LONP2: variants seen among roughly 807,000 people sequenced by gnomAD.
LONP2 encodes the protein lon protease homolog 2, peroxisomal.
Under a neutral mutation model 85.6 loss-of-function variants are expected in LONP2, and 60 were observed. The ratio of observed to expected loss-of-function variants is 0.70; its 90% CI spans 0.57 to 0.87. The LOEUF is 0.87. LONP2 is among the 40% of genes least tolerant of loss of function. The pLI is 0.00. For missense variants in LONP2, 860 were observed against 1,063.5 expected, an observed-to-expected ratio of 0.81 and a Z score of 2.66; for synonymous variants, 395 against 389.7, an observed-to-expected ratio of 1.01 and a Z score of -0.16.
At chr16:48,288,142 G>GTCT (rs1175864782) in intron 8 of LONP2, among the ~76,000 whole-genome samples, 20 of 147,672 alleles carry the variant, frequency 1.4e-4, no homozygotes, top group African/African-American at 4.2e-4. Context: ...GAATGTATTA[G>GTCT]TCTTCTTCTT....
downstream of LONP2, among the ~76,000 whole-genome samples, chr16:48,359,716 C>CA (rs958414218): frequency 6.6e-4 from 88 of 133,860 alleles, no homozygotes; most frequent in South Asian, 1.2e-3. Context: ...AACTCCGTCT[C>CA]AAAAAAAAAA....
At chr16:48,263,528 G>T (rs1048343851) in intron 6 of LONP2, among the ~76,000 whole-genome samples, 2 of 152,166 alleles carry the variant, frequency 1.3e-5, no homozygotes, top group Non-Finnish European at 2.9e-5. Context: ...GTCACAGATG[G>T]CAAGATTTCC....
Position 48,352,918 on chromosome 16 carries a change from T to G in LONP2, c.*1116T>G, listed in dbSNP as rs922720497. The G allele has an allele frequency of 6.6e-6, 1 of 152,270 alleles. No individual in the cohort carries two copies. Among genetic ancestry groups the G allele is most frequent in the African/African-American group, 2.4e-5 (1 of 41,476 alleles). The allele number at this position is 152,270 out of a possible 1,614,324, so 9.4% of individuals were successfully genotyped here. A position where few individuals can be genotyped will look rare whatever the true frequency, so the allele number is the denominator to read the frequency against. On this transcript the variant is annotated 3_prime_UTR_variant, in exon 15 of 15. Transcript: ENST00000285737. The stretch of plus-strand genomic sequence containing the variant: ...GCTTGGCTACGCCAGTTCCCAAATC[T>G]GGTAGATGTCCATGCCCATGTGCTC...
intron 11 of LONP2, among the ~76,000 whole-genome samples, chr16:48,321,497 G>A (rs1204612898): frequency 6.6e-6 from 1 of 152,172 alleles, no homozygotes; most frequent in Non-Finnish European, 1.5e-5. Flanking sequence ...TTACTGAATA[G>A]TCATATGCGT....
intron 1 of LONP2, among the ~76,000 whole-genome samples, chr16:48,250,157 G>A (rs992826121): frequency 2.0e-5 from 3 of 151,120 alleles, no homozygotes; most frequent in Non-Finnish European, 2.9e-5. Flanking sequence ...GCCATTGTAC[G>A]TCAGGCTGGG....
chr16:48,360,662 A>G (rs1960547190), downstream of LONP2: 1 of 152,660 alleles, frequency 6.6e-6, no homozygotes. Context: ...CTTCTTCTGC[A>G]AAACCAATAA....
chr16:48,283,336 C>T (rs745975011), intron 8 of LONP2, among the ~76,000 whole-genome samples: 33 of 152,276 alleles, frequency 2.2e-4, no homozygotes, highest in Non-Finnish European at 3.8e-4. Context: ...ATGAAACAGC[C>T]TTATTTTGTA....
chr16:48,350,959 G>A (rs1408529831), intron 14 of LONP2, among the ~76,000 whole-genome samples: 1 of 152,140 alleles, frequency 6.6e-6, no homozygotes, highest in African/African-American at 2.4e-5. Context: ...AGAGATTCAG[G>A]CAGCAGCTCT....
chr16:48,254,610 G>A (rs113499328), intron 2 of LONP2, among the ~76,000 whole-genome samples: 1,855 of 152,040 alleles, frequency 0.012, 38 homozygotes, highest in African/African-American at 0.042. Context: ...TGATCCAACC[G>A]CCACCACGCC....
rs1453120548 is a variant in LONP2 at position 48,261,553 on chromosome 16, C to G, written c.853C>G (p.Gln285Glu). Residue 285 changes from glutamine (Q) to glutamate (E), a missense_variant, in exon 5 of 15, where the codon CAG becomes GAG. By Grantham distance (29) the Gln-to-Glu change is conservative. Coordinates refer to ENST00000285737, the MANE Select transcript of LONP2 (RefSeq NM_031490.5). Reference sequence around the variant, plus strand: ...AATACGAACATCTAGTATGCCAGAGCAGGCCCATAAAGTCTGTGTCAAAGA... The same window carrying G: ...AATACGAACATCTAGTATGCCAGAGGAGGCCCATAAAGTCTGTGTCAAAGA... ...KKIRTSSMPE[Q>E]AHKVCVKEIK... 1.3e-6 allele frequency: 2 copies of G among 1,597,256 alleles called. No homozygotes were observed. Among genetic ancestry groups the G allele is most frequent in the African/African-American group, 2.8e-5 (2 of 71,856 alleles).
chr16:48,266,257 G>A (rs1209343364), intron 6 of LONP2, among the ~76,000 whole-genome samples: 1 of 151,714 alleles, frequency 6.6e-6, no homozygotes, highest in Non-Finnish European at 1.5e-5. Context: ...CACCTGCCTC[G>A]GCCTCCCAAA....
At chr16:48,337,273 T>G (rs1284098507) in intron 12 of LONP2, among the ~76,000 whole-genome samples, 2 of 152,204 alleles carry the variant, frequency 1.3e-5, no homozygotes, top group African/African-American at 4.8e-5. Flanking sequence ...CAGTGATGTA[T>G]GAGAGTTTTT....
intron 11 of LONP2, among the ~76,000 whole-genome samples, chr16:48,306,444 T>G (rs1972913272): frequency 6.6e-6 from 1 of 152,204 alleles, no homozygotes; most frequent in Non-Finnish European, 1.5e-5. Context: ...GTAACATTTA[T>G]TTGTGTGGTT....
At chr16:48,326,313 T>C (rs973594727) in intron 11 of LONP2, among the ~76,000 whole-genome samples, 4 of 152,202 alleles carry the variant, frequency 2.6e-5, no homozygotes, top group Admixed American at 1.3e-4. Flanking sequence ...GGTTCTTGTA[T>C]GTCCCATCCT....
intron 11 of LONP2, among the ~76,000 whole-genome samples, chr16:48,313,204 T>C (rs907461990): frequency 7.2e-5 from 11 of 152,220 alleles, no homozygotes; most frequent in Admixed American, 6.5e-4. Context: ...TCCTGGGGCA[T>C]TTTTATTATG....
At chr16:48,287,227 A>G (rs1003568161) in intron 8 of LONP2, among the ~76,000 whole-genome samples, 6 of 152,170 alleles carry the variant, frequency 3.9e-5, no homozygotes, top group African/African-American at 1.4e-4. Context: ...GCAGAGCCTC[A>G]GTGTCTGCCA....
intron 1 of LONP2, among the ~76,000 whole-genome samples, chr16:48,245,404 G>A (rs1454613825): frequency 2.6e-5 from 4 of 152,102 alleles, no homozygotes; most frequent in Non-Finnish European, 5.9e-5. Flanking sequence ...GAAACTGACA[G>A]CATCCATCTC....
At chr16:48,332,597 A>C (rs902514044) in intron 11 of LONP2, among the ~76,000 whole-genome samples, 7 of 152,254 alleles carry the variant, frequency 4.6e-5, no homozygotes, top group Middle Eastern at 3.4e-3. Context: ...CTGTAGTCCC[A>C]GCTACAGGGA....
At chr16:48,316,697 T>A (rs1973154427) in intron 11 of LONP2, among the ~76,000 whole-genome samples, 1 of 152,242 alleles carries the variant, frequency 6.6e-6, no homozygotes, top group South Asian at 2.1e-4. Flanking sequence ...ATCTATTTAA[T>A]CCCTCCTTTT....
Sources: allele counts gnomAD v4.1 joint callset (sites outside exome capture counted in the v4.1 genomes callset), GRCh38; gene constraint gnomAD v4.1.1; transcripts MANE v1.5; gene names NCBI Gene and HGNC (gene_info 2026-07-23, HGNC 2026-07-21).